LRRC37A2: variants seen among roughly 807,000 people sequenced by gnomAD.
LRRC37A2 encodes the protein leucine-rich repeat-containing protein 37A2.
A neutral mutation model predicts 68.8 loss-of-function variants in LRRC37A2; 9 were observed. The observed-to-expected ratio is 0.13, with a 90% CI of 0.08 to 0.23. LRRC37A2 has a LOEUF of 0.23. Ranked by LOEUF, LRRC37A2 falls within the 10% of genes least tolerant of loss-of-function variation. The probability of loss-of-function intolerance (pLI) is 1.00; values close to 1 mark genes in which losing one functional copy is unlikely to be tolerated. For missense variants in LRRC37A2, 168 were observed against 950.4 expected (o/e 0.18, Z 10.82); for synonymous variants, 63 against 367.6 (o/e 0.17, Z 9.48).
the LRRC37A2 span, among the ~76,000 whole-genome samples, chr17:46,635,777 A>ATGTGTGTGTGTGTG: frequency 0.054 from 6,313 of 116,084 alleles, 80 homozygotes; most frequent in Non-Finnish European, 0.063. Flanking sequence ...GGGAAAATAA[A>ATGTGTGTGTGTGTG]TGTGTGTGTG....
the LRRC37A2 span, among the ~76,000 whole-genome samples, chr17:46,779,060 C>CACACACACAG: frequency 3.6e-5 from 3 of 83,414 alleles, no homozygotes; most frequent in Non-Finnish European, 8.8e-5. Flanking sequence ...CCATCACACA[C>CACACACACAG]ACACACACAC....
the LRRC37A2 span, among the ~76,000 whole-genome samples, chr17:46,960,170 ACAAG>A: frequency 6.6e-6 from 1 of 152,242 alleles, no homozygotes; most frequent in Admixed American, 6.5e-5. Context: ...CAATAAGAAA[ACAAG>A]CAACCCAACT....
chr17:46,458,531 CTTTTTTTTTTT>C, the LRRC37A2 span, among the ~76,000 whole-genome samples: 1 of 39,936 alleles, frequency 2.5e-5, no homozygotes, highest in African/African-American at 9.7e-5. Context: ...TCTTCTTCTT[CTTTTTTTTTTT>C]TTTTTTTTTT....
At chr17:46,906,823 C>A in the LRRC37A2 span, among the ~76,000 whole-genome samples, 1 of 152,014 alleles carries the variant, frequency 6.6e-6, no homozygotes, top group African/African-American at 2.4e-5. Context: ...AAGCTTTTAC[C>A]TAATATGCAA....
the LRRC37A2 span, among the ~76,000 whole-genome samples, chr17:46,601,795 C>T: frequency 6.6e-5 from 10 of 150,968 alleles, no homozygotes; most frequent in African/African-American, 1.2e-4. Context: ...TTTCATAGGG[C>T]GTACTTTCAT....
chr17:46,884,162 TCCCACACAGC>T, the LRRC37A2 span, among the ~76,000 whole-genome samples: 1 of 152,046 alleles, frequency 6.6e-6, no homozygotes, highest in East Asian at 1.9e-4. Flanking sequence ...CCCCACCTCT[TCCCACACAGC>T]CCCACCAGAG....
chr17:46,823,557 C>T, the LRRC37A2 span, among the ~76,000 whole-genome samples: 7 of 152,060 alleles, frequency 4.6e-5, no homozygotes, highest in Admixed American at 2.0e-4. Context: ...CTCCTGCCTC[C>T]GCCGCTCAAG....
At chr17:46,773,635 G>GGCC in the LRRC37A2 span, 3 of 218,070 alleles carry the variant, frequency 1.4e-5, no homozygotes, top group South Asian at 5.0e-5. Flanking sequence ...CCCCCACCCA[G>GGCC]CCCCTCCCCC....
At chr17:46,491,200 G>A in the LRRC37A2 span, among the ~76,000 whole-genome samples, 1 of 151,196 alleles carries the variant, frequency 6.6e-6, no homozygotes, top group Non-Finnish European at 1.5e-5. Context: ...CCTGGCACAT[G>A]TATATGTATG....
At chr17:46,912,131 C>T in the LRRC37A2 span, among the ~76,000 whole-genome samples, 1 of 152,174 alleles carries the variant, frequency 6.6e-6, no homozygotes, top group Non-Finnish European at 1.5e-5. Context: ...GCCTTCCTCA[C>T]ACCTCCTCTC....
chr17:46,873,578 C>T, the LRRC37A2 span, among the ~76,000 whole-genome samples: 1 of 152,160 alleles, frequency 6.6e-6, no homozygotes, highest in African/African-American at 2.4e-5. Context: ...GAACTTCTAG[C>T]CTGGGCGCAG....
At chr17:46,661,410 T>TATTATTATTATTATTA in the LRRC37A2 span, among the ~76,000 whole-genome samples, 10 of 102,174 alleles carry the variant, frequency 9.8e-5, no homozygotes, top group African/African-American at 3.9e-4. Flanking sequence ...TTATTATTAT[T>TATTATTATTATTATTA]TTTGAGATGG....
the LRRC37A2 span, among the ~76,000 whole-genome samples, chr17:46,839,406 C>A: frequency 1.3e-5 from 2 of 152,234 alleles, no homozygotes; most frequent in Non-Finnish European, 2.9e-5. Context: ...CCACTTTTTT[C>A]TCAGACACTT....
At chr17:46,812,336 A>C in the LRRC37A2 span, among the ~76,000 whole-genome samples, 2 of 150,304 alleles carry the variant, frequency 1.3e-5, no homozygotes, top group African/African-American at 2.5e-5. Context: ...CCACCCCCCT[A>C]CCCCCGCCCC....
the LRRC37A2 span, among the ~76,000 whole-genome samples, chr17:46,657,673 T>C: frequency 8.5e-6 from 1 of 118,174 alleles, no homozygotes; most frequent in Non-Finnish European, 1.8e-5. Flanking sequence ...GTTTTACTTT[T>C]TGGCTCCTCA....
the LRRC37A2 span, among the ~76,000 whole-genome samples, chr17:46,501,936 C>T: frequency 6.6e-6 from 1 of 151,266 alleles, no homozygotes; most frequent in Non-Finnish European, 1.5e-5. Context: ...CCTGGTTCCA[C>T]TTCCTGTGAC....
At chr17:46,842,919 T>A in the LRRC37A2 span, among the ~76,000 whole-genome samples, 1 of 152,226 alleles carries the variant, frequency 6.6e-6, no homozygotes, top group Non-Finnish European at 1.5e-5. Flanking sequence ...GAGTGTTGTA[T>A]CCATTTTATG....
chr17:46,525,537 A>C (rs2052590622), intron 6 of LRRC37A2, among the ~76,000 whole-genome samples: 1 of 111,542 alleles, frequency 9.0e-6, no homozygotes, highest in Non-Finnish European at 2.0e-5. Flanking sequence ...CAGTGAGCCG[A>C]GATGGCACCA....
chr17:46,949,007 A>G, the LRRC37A2 span: 1 of 152,218 alleles, frequency 6.6e-6, no homozygotes, highest in Non-Finnish European at 1.5e-5. Flanking sequence ...GACGTGACCC[A>G]CCTGCATTGT....
Sources: allele counts gnomAD v4.1 joint callset (sites outside exome capture counted in the v4.1 genomes callset), GRCh38; gene constraint gnomAD v4.1.1; transcripts MANE v1.5; gene names NCBI Gene and HGNC (gene_info 2026-07-23, HGNC 2026-07-21).